ZNF557: variants seen among roughly 807,000 people sequenced by gnomAD.
ZNF557 encodes the protein CTB-25J19.9.
Under a neutral mutation model 21.2 loss-of-function variants are expected in ZNF557, and 19 were observed. That is an observed-to-expected ratio of 0.90 (90% CI 0.63 to 1.32). The LOEUF (loss-of-function observed/expected upper bound fraction) is 1.32. ZNF557 is among the 40% of genes most tolerant of loss of function. The pLI is 0.00. For synonymous variants in ZNF557, 207 were observed against 194.8 expected, an observed-to-expected ratio of 1.06 and a Z score of -0.52; for missense variants, 487 against 519.8, an observed-to-expected ratio of 0.94 and a Z score of 0.61.
rs1163880644 is a variant in ZNF557 at position 7,085,156 on chromosome 19, C to T, written c.*1412C>T. On this transcript the variant is annotated 3_prime_UTR_variant, in exon 8 of 8. Coordinates refer to ENST00000252840, the MANE Select transcript of ZNF557 (RefSeq NM_024341.3). ...TTTTTCCACATTTTTAGGAACCTAA[C>T]TCAGTGTAAGATAACAATTTATACA... 2.6e-5 allele frequency: 4 copies of T among 152,134 alleles called. No individual in the cohort carries two copies. Among genetic ancestry groups the T allele is most frequent in the African/African-American group, 9.7e-5 (4 of 41,438 alleles). 9.4% of individuals were successfully genotyped at this position (152,134 alleles called of 1,614,324 possible). A position where few individuals can be genotyped will look rare whatever the true frequency, so the allele number is the denominator to read the frequency against.
intron 5 of ZNF557, among the ~76,000 whole-genome samples, chr19:7,076,740 A>G (rs563035748): frequency 6.6e-5 from 10 of 152,214 alleles, no homozygotes; most frequent in African/African-American, 2.2e-4. Context: ...GTCTCTCCCC[A>G]GTTCTCCCTC....
Position 7,083,360 on chromosome 19 carries a change from G to A in ZNF557, c.909G>A (p.Thr303=), listed in dbSNP as rs747099866. The change falls in exon 8 of 8, where the codon ACG becomes ACA. Residue 303 remains threonine, a synonymous_variant. Transcript: ENST00000252840. ...ATCAGTGTGGAAAGGCTTTCGGCAC[G>A]AGGTCATCTCTTTCTTCGCACTATA... ...VCNQCGKAFG[T]RSSLSSHYSI... is the part of the protein sequence containing the mutation. The A allele has an allele frequency of 5.5e-5, 89 of 1,614,160 alleles. No individual in the cohort carries two copies. The highest frequency in any genetic ancestry group is 3.3e-4 in the Middle Eastern group (2 of 6,062).
chr19:7,076,190 A>G (rs1977584350), intron 4 of ZNF557, among the ~76,000 whole-genome samples, 191 bp from the exon 5 acceptor site: 1 of 152,170 alleles, frequency 6.6e-6, no homozygotes, highest in African/African-American at 2.4e-5. Flanking sequence ...GAGTAGCCTA[A>G]GGAGACAAGC....
At chr19:7,081,567 C>A in intron 6 of ZNF557, 112 bp downstream of exon 6, 1 of 743,570 alleles carries the variant, frequency 1.3e-6, no homozygotes, top group South Asian at 1.8e-5. Context: ...TGTGTAAATG[C>A]CCCTTTTCCC....
chr19:7,075,986 C>T (rs924740975), intron 4 of ZNF557, among the ~76,000 whole-genome samples: 3 of 152,018 alleles, frequency 2.0e-5, no homozygotes, highest in Admixed American at 6.6e-5. Flanking sequence ...CAAGTAAAGA[C>T]GTGATGATGT....
rs890973469 is a variant in ZNF557, at chr19:7,082,899, A to G, written c.448A>G (p.Thr150Ala). 1.9e-6 allele frequency: 3 copies of G among 1,593,008 alleles called. No homozygotes were observed. Among genetic ancestry groups the G allele is most frequent in the East Asian group, 2.2e-5 (1 of 44,642 alleles). Residue 150 changes from threonine (T) to alanine (A), a missense_variant, in exon 8 of 8, where the codon ACA becomes GCA. Transcript: ENST00000252840. ...ATAGGAGAGGAATCATCTTGGAGCA[A>G]CACTCAACGAATGTAATCAGTGTTT... is the stretch of plus-strand genomic sequence containing the variant. ...MKMERNHLGA[T>A]LNECNQCFKV...
chr19:7,076,266 C>G lies in ZNF557; in HGVS notation c.121-115C>G, dbSNP rs1387655749. The G allele has an allele frequency of 2.5e-6, 4 of 1,604,362 alleles. No individual in the cohort carries two copies. In the African/African-American group the frequency reaches 5.3e-5, roughly 21 times the overall value. On this transcript the variant is annotated intron_variant, in intron 4 of 7. Transcript: ENST00000252840. ...ACCTCAGGAGAGGAGCTCAGAATCC[C>G]CCCACATCTCGTGCTCAGGTTTCCC... is the stretch of plus-strand genomic sequence containing the variant.
intron 5 of ZNF557, among the ~76,000 whole-genome samples, chr19:7,078,561 A>C (rs959672768): frequency 1.3e-5 from 2 of 151,408 alleles, no homozygotes; most frequent in African/African-American, 4.9e-5. Context: ...CCTCCTCAGT[A>C]GCTAGGATTA....
intron 2 of ZNF557, among the ~76,000 whole-genome samples, chr19:7,073,955 C>CG (rs1447169515): frequency 6.6e-6 from 1 of 151,734 alleles, no homozygotes; most frequent in East Asian, 1.9e-4. Flanking sequence ...CTGCAGACAG[C>CG]GCCTGCCCCC....
intron 6 of ZNF557, 48 bp downstream of exon 6, chr19:7,081,503 G>T (rs1438868078): frequency 3.9e-6 from 5 of 1,294,654 alleles, no homozygotes; most frequent in Non-Finnish European, 5.6e-6. Flanking sequence ...GCTCTGGCCA[G>T]GGACTGAGAA....
At chr19:7,077,522 C>G (rs186296624) in intron 5 of ZNF557, among the ~76,000 whole-genome samples, 203 of 152,268 alleles carry the variant, frequency 1.3e-3, no homozygotes, top group African/African-American at 4.7e-3. Flanking sequence ...TGTGTATATA[C>G]CACTTTTTAT....
At position 7,081,447 on chromosome 19, in the gene ZNF557, C is replaced by A. The variant is rs1977704010; in HGVS notation, c.335C>A (p.Thr112Asn). 1 of 1,611,842 alleles carries A rather than the reference C, an allele frequency of 6.2e-7. No individual in the cohort carries two copies. Among genetic ancestry groups the A allele is most frequent in the Non-Finnish European group, 8.5e-7 (1 of 1,178,360 alleles). ...MTEERGILSG[T>N]CPDVENPFKA... ...GAAGAGAGAGGAATTCTCTCAGGTA[C>A]CTGTCCAGGTGAGCACCAGGTGGAT... The change falls in exon 6 of 8, where the codon ACC (threonine) becomes AAC (asparagine). Residue 112 changes from threonine to asparagine, a missense_variant. Coordinates refer to ENST00000252840, the MANE Select transcript of ZNF557 (RefSeq NM_024341.3).
Position 7,076,624 on chromosome 19 carries a change from T to C in ZNF557, c.247+117T>C, listed in dbSNP as rs192781733. 2.8e-6 allele frequency: 4 copies of C among 1,444,520 alleles called. No homozygotes were observed. In the Admixed American group the frequency reaches 8.0e-5, roughly 29 times the overall value. 89.5% of individuals were successfully genotyped at this position (1,444,520 alleles called of 1,614,324 possible). A position where few individuals can be genotyped will look rare whatever the true frequency, so the allele number is the denominator to read the frequency against. ...AGTCACCATTTAAACTATTTTAAAG[T>C]GTCCAATTTGGTGGCTTTTCGTAGG... On this transcript the variant is annotated intron_variant, in intron 5 of 7. Coordinates refer to ENST00000252840, the MANE Select transcript of ZNF557 (RefSeq NM_024341.3).
At position 7,078,021 on chromosome 19, in the gene ZNF557, TA is replaced by T. The variant is rs143928108; in HGVS notation, c.247+1516del. 6.0e-4 allele frequency among the ~76,000 whole-genome samples: 92 copies of T among 152,360 alleles called. 1 individual carries two copies. The East Asian group carries it at 0.014, about 24-fold the overall frequency. On this transcript the variant is annotated intron_variant, in intron 5 of 7. Transcript: ENST00000252840. ...TGTTTGCCTTTTCGTTATTGAGTTGTAAGAGTTCTTTATATGTTCTGCATCC... is the reference window on the plus strand; with the variant it reads ...TGTTTGCCTTTTCGTTATTGAGTTGTAGAGTTCTTTATATGTTCTGCATCC...
rs771017346 is a variant in ZNF557 at position 7,083,444 on chromosome 19, G to A, written c.993G>A (p.Arg331=). The A allele has an allele frequency of 3.7e-6, 6 of 1,614,164 alleles. No homozygotes were observed. The Admixed American group carries it at 8.3e-5, about 22-fold the overall frequency. The change falls in exon 8 of 8, where the codon AGG becomes AGA. Residue 331 remains arginine (R), a synonymous_variant. Coordinates refer to ENST00000252840, the MANE Select transcript of ZNF557 (RefSeq NM_024341.3). The stretch of plus-strand genomic sequence containing the variant: ...ACGATTGTGGGAGAACCTTCAGGAG[G>A]AGGTCGAATCTGACACAGCACATAA... The part of the protein sequence containing the change: ...ECHDCGRTFR[R]RSNLTQHIRT...
chr19:7,081,929 CTCTTT>C (rs1977715389), intron 6 of ZNF557, 36 bp from the exon 7 acceptor site: 3 of 1,530,458 alleles, frequency 2.0e-6, no homozygotes, highest in Admixed American at 1.7e-5. Flanking sequence ...TAAAATTTGC[CTCTTT>C]TCTATCAACT....
intron 2 of ZNF557, among the ~76,000 whole-genome samples, chr19:7,074,621 G>A (rs1042469036): frequency 1.3e-5 from 2 of 150,744 alleles, no homozygotes; most frequent in African/African-American, 4.9e-5. Flanking sequence ...GCTGGCATGA[G>A]AGTGGGGAGT....
In ZNF557 at chr19:7,084,934, A is replaced by G. The variant is rs1599846320; in HGVS notation, c.*1190A>G. 4.6e-5 allele frequency: 7 copies of G among 152,188 alleles called. No homozygotes were observed. The South Asian group carries it at 1.5e-3, about 32-fold the overall frequency. 9.4% of individuals were successfully genotyped at this position (152,188 alleles called of 1,614,324 possible). A position where few individuals can be genotyped will look rare whatever the true frequency, so the allele number is the denominator to read the frequency against. ...CCAGGGGACACTCATTCCTTAAGTC[A>G]CATTTCGGAGATCATACAACAGAGG... On this transcript the variant is annotated 3_prime_UTR_variant, in exon 8 of 8. Transcript: ENST00000252840.
intron 2 of ZNF557, among the ~76,000 whole-genome samples, chr19:7,073,753 T>C (rs111960580): frequency 5.9e-5 from 9 of 152,146 alleles, no homozygotes; most frequent in Admixed American, 1.3e-4. Context: ...TCCCCGGAGA[T>C]TGGGGGTATG....
Sources: allele counts gnomAD v4.1 joint callset (sites outside exome capture counted in the v4.1 genomes callset), GRCh38; gene constraint gnomAD v4.1.1; transcripts MANE v1.5; gene names NCBI Gene and HGNC (gene_info 2026-07-23, HGNC 2026-07-21).